The following PHKB variants were observed in gnomAD, a reference collection of about 807,000 sequenced individuals.
PHKB encodes phosphorylase kinase regulatory subunit beta.
In PHKB, 122 loss-of-function variants were observed where a neutral mutation model predicts 152.1. The ratio of observed to expected loss-of-function variants is 0.80; its 90% CI spans 0.69 to 0.93. The LOEUF (loss-of-function observed/expected upper bound fraction) is 0.93. Among genes scored for constraint, PHKB ranks in the 40% least tolerant of loss-of-function variants. PHKB has a pLI of 0.00. For missense variants in PHKB, 1,304 were observed against 1,328.4 expected, an observed-to-expected ratio of 0.98 and a Z score of 0.29; for synonymous variants, 436 against 464.9, an observed-to-expected ratio of 0.94 and a Z score of 0.80.
At chr16:47,514,681 G>A (rs933036589) in intron 5 of PHKB, among the ~76,000 whole-genome samples, 1 of 152,136 alleles carries the variant, frequency 6.6e-6, no homozygotes, top group African/African-American at 2.4e-5. Flanking sequence ...AGCTGTCTAG[G>A]TATCCCTTTA....
intron 7 of PHKB, among the ~76,000 whole-genome samples, chr16:47,579,026 A>G (rs1971797046): frequency 6.6e-6 from 1 of 152,084 alleles, no homozygotes; most frequent in Admixed American, 6.6e-5. Flanking sequence ...AAGGAAACCC[A>G]GGGCAGTTAC....
At chr16:47,499,679 C>A in intron 2 of PHKB, 77 bp from the exon 3 acceptor site, 1 of 1,559,852 alleles carries the variant, frequency 6.4e-7, no homozygotes, top group South Asian at 1.1e-5. Context: ...ATGAGGAAAC[C>A]AAAGAAGATT....
chr16:47,510,892 A>AT (rs1261239164), intron 4 of PHKB, among the ~76,000 whole-genome samples: 2 of 152,076 alleles, frequency 1.3e-5, no homozygotes, highest in African/African-American at 2.4e-5. Context: ...CTTTGAATTC[A>AT]TTTTTTTGTT....
At chr16:47,571,352 C>T (rs1340655189) in intron 7 of PHKB, among the ~76,000 whole-genome samples, 2 of 152,118 alleles carry the variant, frequency 1.3e-5, no homozygotes, top group African/African-American at 4.8e-5. Context: ...AAAGTCTCAA[C>T]CTTGACAGAG....
intron 7 of PHKB, among the ~76,000 whole-genome samples, chr16:47,573,436 C>A (rs1337372775): frequency 6.6e-6 from 1 of 152,118 alleles, no homozygotes; most frequent in East Asian, 1.9e-4. Context: ...TAATGTTCCA[C>A]GGAGGAGCGG....
chr16:47,650,584 G>C lies in PHKB; in HGVS notation c.1838G>C (p.Gly613Ala). 6.2e-7 allele frequency: 1 copy of C among 1,611,726 alleles called. No homozygotes were observed. The highest frequency in any genetic ancestry group is 8.5e-7 in the Non-Finnish European group (1 of 1,177,968). Residue 613 changes from glycine (G) to alanine (A), a missense_variant, in exon 19 of 31, where the codon GGA becomes GCA. Gly to Ala is a moderately conservative substitution (Grantham distance 60, BLOSUM62 0). Coordinates refer to ENST00000323584, the MANE Select transcript of PHKB (RefSeq NM_000293.3). Reference sequence around the variant, plus strand: ...ATTAAACAATATTGGAAAATGCATGGACGTCCACTTTTCCTTGTTCTCATC... The same window carrying C: ...ATTAAACAATATTGGAAAATGCATGCACGTCCACTTTTCCTTGTTCTCATC... Reference protein sequence around the residue: ...QFIKQYWKMHGRPLFLVLIRE... With the variant: ...QFIKQYWKMHARPLFLVLIRE...
intron 11 of PHKB, among the ~76,000 whole-genome samples, chr16:47,593,871 G>A (rs547452853): frequency 6.6e-5 from 10 of 152,212 alleles, no homozygotes; most frequent in Admixed American, 4.6e-4. Flanking sequence ...CCATGATAAT[G>A]TGAATGTCTG....
intron 26 of PHKB, among the ~76,000 whole-genome samples, chr16:47,681,860 T>A (rs185727593): frequency 6.6e-6 from 1 of 152,358 alleles, no homozygotes; most frequent in East Asian, 1.9e-4. Flanking sequence ...AGTTTCTTCC[T>A]TGCCTTGATG....
At chr16:47,536,050 A>ATATT (rs1460871922) in intron 6 of PHKB, among the ~76,000 whole-genome samples, 2 of 152,120 alleles carry the variant, frequency 1.3e-5, no homozygotes, top group Non-Finnish European at 1.5e-5. Flanking sequence ...AATGGTTATG[A>ATATT]TATTTATTTA....
At chr16:47,635,923 C>T (rs1972912048) in intron 14 of PHKB, among the ~76,000 whole-genome samples, 1 of 152,170 alleles carries the variant, frequency 6.6e-6, no homozygotes, top group Non-Finnish European at 1.5e-5. Context: ...GCTGTTGTTG[C>T]TACTTTTAAA....
intron 13 of PHKB, chr16:47,597,913 G>A (rs1972151840): frequency 6.6e-6 from 1 of 151,594 alleles, no homozygotes; most frequent in Non-Finnish European, 1.5e-5. Context: ...AGTAACCTCT[G>A]TGCAATGGGA....
chr16:47,674,537 CA>C (rs989689071), intron 26 of PHKB, among the ~76,000 whole-genome samples: 7 of 152,068 alleles, frequency 4.6e-5, no homozygotes, highest in Non-Finnish European at 7.4e-5. Context: ...GTTAACCACA[CA>C]AAAAAAGCTT....
chr16:47,466,097 G>A (rs527332946), intron 1 of PHKB, among the ~76,000 whole-genome samples: 1 of 152,192 alleles, frequency 6.6e-6, no homozygotes, highest in South Asian at 2.1e-4. Context: ...ATGGAATTTA[G>A]TGTGAATCCT....
intron 6 of PHKB, among the ~76,000 whole-genome samples, chr16:47,541,180 T>C (rs1249510997): frequency 6.6e-6 from 1 of 152,144 alleles, no homozygotes; most frequent in African/African-American, 2.4e-5. Context: ...CGGTGTGTGA[T>C]GTTCCCCACC....
rs117862726 is a variant in PHKB at position 47,526,460 on chromosome 16, T to C, written c.594+10859T>C. Among the ~76,000 whole-genome samples the C allele has an allele frequency of 6.5e-3, 992 of 151,928 alleles. 14 individuals are homozygous for C. Among genetic ancestry groups the C allele is most frequent in the South Asian group, 0.046 (220 of 4,810 alleles). ...GCTGATAAGCTCAACCTTCAGTTCC[T>C]GGAGGTTGAGAGTTGGGACTGAAAG... On this transcript the variant is annotated intron_variant, in intron 6 of 30. Transcript: ENST00000323584.
chr16:47,566,496 T>C (rs1971569339), intron 7 of PHKB: 2 of 1,607,278 alleles, frequency 1.2e-6, no homozygotes, highest in African/African-American at 1.3e-5. Flanking sequence ...TTTCAACTTC[T>C]CTGGATTGCT....
rs1312431290 is a variant in PHKB, at chr16:47,596,369, A to G, written c.1205-4A>G. The G allele has an allele frequency of 3.8e-6, 6 of 1,582,590 alleles. No homozygotes were observed. The highest frequency in any genetic ancestry group is 1.3e-5 in the African/African-American group (1 of 74,286). On this transcript the variant is annotated splice_polypyrimidine_tract_variant and splice_region_variant and intron_variant, in intron 12 of 30. Transcript: ENST00000323584. ...TTTTAAATACTTATTTTTAAACTCCATAGGATATCCTGTTGTACCAAAGTA... is the reference window on the plus strand; with the variant it reads ...TTTTAAATACTTATTTTTAAACTCCGTAGGATATCCTGTTGTACCAAAGTA...
chr16:47,572,208 G>A (rs1199584640), intron 7 of PHKB, among the ~76,000 whole-genome samples: 1 of 152,146 alleles, frequency 6.6e-6, no homozygotes, highest in Non-Finnish European at 1.5e-5. Flanking sequence ...GCCCACTCCA[G>A]CATTTGGACT....
intron 14 of PHKB, among the ~76,000 whole-genome samples, chr16:47,631,713 A>G (rs970155202): frequency 3.2e-4 from 49 of 152,182 alleles, no homozygotes; most frequent in African/African-American, 1.1e-3. Context: ...CCGCTTATGA[A>G]TGAAAACATG....
Sources: allele counts gnomAD v4.1 joint callset (sites outside exome capture counted in the v4.1 genomes callset), GRCh38; gene constraint gnomAD v4.1.1; transcripts MANE v1.5; gene names NCBI Gene and HGNC (gene_info 2026-07-23, HGNC 2026-07-21).